POLQ: variants seen among roughly 807,000 people sequenced by gnomAD.
POLQ encodes the protein epididymis secretory sperm binding protein.
In POLQ, 233 loss-of-function variants were observed where a neutral mutation model predicts 259.2. The ratio of observed to expected loss-of-function variants is 0.90; its 90% CI spans 0.81 to 1.00. The LOEUF (loss-of-function observed/expected upper bound fraction) is 1.00. Among genes scored for constraint, POLQ ranks in the 50% least tolerant of loss-of-function variants. The pLI is 0.00. For synonymous variants in POLQ, 1,025 were observed against 1,048.8 expected (o/e 0.98, Z 0.44); for missense variants, 2,871 against 3,051.6 (o/e 0.94, Z 1.39).
chr3:121,452,826 AAGAC>A (rs2047691007), intron 25 of POLQ, among the ~76,000 whole-genome samples: 1 of 152,158 alleles, frequency 6.6e-6, no homozygotes, highest in Non-Finnish European at 1.5e-5. Context: ...GAAAAACAAA[AAGAC>A]AGCAGTAACC....
chr3:121,432,187 A>T lies in POLQ; in HGVS notation c.*117T>A. The T allele has an allele frequency of 1.1e-6, 1 of 917,002 alleles. No individual in the cohort carries two copies. The highest frequency in any genetic ancestry group is 1.6e-6 in the Non-Finnish European group (1 of 635,746). 56.8% of individuals were successfully genotyped at this position (917,002 alleles called of 1,614,324 possible). A position where few individuals can be genotyped will look rare whatever the true frequency, so the allele number is the denominator to read the frequency against. The stretch of plus-strand genomic sequence containing the variant: ...ACTCTCACTATAAAATTACTAGGCT[A>T]AGTCTATCAAGACTTGAAAGTTTGT... On this transcript the variant is annotated 3_prime_UTR_variant, in exon 30 of 30. Transcript: ENST00000264233.
intron 26 of POLQ, among the ~76,000 whole-genome samples, chr3:121,447,324 T>C (rs868418538): frequency 1.4e-4 from 22 of 151,878 alleles, no homozygotes; most frequent in Admixed American, 9.2e-4. Flanking sequence ...TCACCTATCA[T>C]CATGCCCGGC....
Position 121,489,383 on chromosome 3 carries a change from T to C in POLQ, c.3548A>G (p.Tyr1183Cys), listed in dbSNP as rs1342993761. 2 of 1,613,400 alleles carry C rather than the reference T, an allele frequency of 1.2e-6. No homozygotes were observed. The highest frequency in any genetic ancestry group is 1.3e-5 in the African/African-American group (1 of 74,908). The change falls in exon 16 of 30, where the codon TAT becomes TGT. Residue 1183 changes from tyrosine (Y) to cysteine (C), a missense_variant. By Grantham distance (194) the Tyr-to-Cys change is radical (BLOSUM62 -2). Transcript: ENST00000264233. Reference sequence around the variant, plus strand: ...TGGATGGATGTCATGGTGTTTCATATAAACATTCTGGTTTTTTGAACCATT... The same window carrying C: ...TGGATGGATGTCATGGTGTTTCATACAAACATTCTGGTTTTTTGAACCATT... The part of the protein sequence containing the change: ...IQNGSKNQNV[Y>C]MKHHDIHPIN...
chr3:121,485,208 G>C (rs2048002204), intron 16 of POLQ, 24 bp from the exon 17 acceptor site: 2 of 1,477,072 alleles, frequency 1.4e-6, no homozygotes, highest in South Asian at 1.3e-5. Flanking sequence ...AAGTGAAACA[G>C]TTAAAAATCT....
At chr3:121,442,020 A>AT (rs1411848642) in intron 26 of POLQ, among the ~76,000 whole-genome samples, 9 of 152,106 alleles carry the variant, frequency 5.9e-5, no homozygotes, top group Non-Finnish European at 1.2e-4. Flanking sequence ...CTGACTTTTA[A>AT]TTTATCGGAT....
rs112800699 is a variant in POLQ at position 121,535,613 on chromosome 3, G to C, written c.740+1487C>G. Among the ~76,000 whole-genome samples the C allele has an allele frequency of 2.0e-5, 3 of 151,336 alleles. No homozygotes were observed. The South Asian group carries it at 6.3e-4, about 32-fold the overall frequency. ...CGCCTATAATCCCAGCTACTCAGGA[G>C]GCTCAGGCAGGAGAATCGCTTGAAC... On this transcript the variant is annotated intron_variant, in intron 5 of 29. Transcript: ENST00000264233.
In POLQ at chr3:121,490,210, A is replaced by C. The variant is rs767559415; in HGVS notation, c.2721T>G (p.Ser907Arg). The C allele has an allele frequency of 7.4e-6, 12 of 1,613,894 alleles. No individual in the cohort carries two copies. Among genetic ancestry groups the C allele is most frequent in the Middle Eastern group, 3.3e-4 (2 of 6,084 alleles). Residue 907 changes from serine (S) to arginine (R), a missense_variant, in exon 16 of 30, where the codon AGT becomes AGG. Ser to Arg is a moderately radical substitution (Grantham distance 110). Transcript: ENST00000264233. ...ACTCACTATGAGTCAATGAGCATGT[A>C]CTAGAATGTAACAGGGCACATGGAT... The part of the protein sequence containing the change: ...QWNPCALLHS[S>R]TCSLTHSESE...
chr3:121,457,241 G>C (rs964271076), intron 25 of POLQ, among the ~76,000 whole-genome samples: 1 of 152,186 alleles, frequency 6.6e-6, no homozygotes, highest in African/African-American at 2.4e-5. Flanking sequence ...ATTCAAGATG[G>C]ATTAAAGACT....
intron 5 of POLQ, among the ~76,000 whole-genome samples, chr3:121,535,136 C>A (rs2048441001): frequency 6.6e-6 from 1 of 152,144 alleles, no homozygotes; most frequent in South Asian, 2.1e-4. Flanking sequence ...TGTTCTATCA[C>A]AAGAGAGATG....
chr3:121,435,290 A>T (rs2047533554), intron 28 of POLQ, among the ~76,000 whole-genome samples: 1 of 152,252 alleles, frequency 6.6e-6, no homozygotes, highest in Non-Finnish European at 1.5e-5. Context: ...AGTACAAGAA[A>T]TAATTTATCC....
In POLQ at chr3:121,489,607, T is replaced by C; in HGVS notation, c.3324A>G (p.Lys1108=). ...AKNVSLSGKE[K]DNKTSFPLQI... ...GTAATGGGAATGATGTTTTATTATC[T>C]TTTTCCTTACCACTCAAAGATACAT... The change falls in exon 16 of 30, where the codon AAA becomes AAG. Residue 1108 remains lysine, a synonymous_variant. Transcript: ENST00000264233. 6.2e-7 allele frequency: 1 copy of C among 1,613,400 alleles called. No homozygotes were observed. The highest frequency in any genetic ancestry group is 8.5e-7 in the Non-Finnish European group (1 of 1,179,668).
chr3:121,448,666 T>C lies in POLQ; in HGVS notation c.7264+649A>G, dbSNP rs892348770. 3.3e-5 allele frequency among the ~76,000 whole-genome samples: 5 copies of C among 152,098 alleles called. No individual in the cohort carries two copies. The East Asian group carries it at 7.7e-4, about 23-fold the overall frequency. The stretch of plus-strand genomic sequence containing the variant: ...AGACGTGAGCCACCATGCCTAGTAT[T>C]GTATTGCTTGCTTCAGTACCAATAC... On this transcript the variant is annotated intron_variant, in intron 26 of 29. Coordinates refer to ENST00000264233, the MANE Select transcript of POLQ (RefSeq NM_199420.4).
In POLQ at chr3:121,487,866, G is replaced by T; in HGVS notation, c.5065C>A (p.Gln1689Lys). The change falls in exon 16 of 30, where the codon CAA becomes AAA. Residue 1689 changes from glutamine (Q) to lysine (K), a missense_variant. Physicochemically the swap from Gln to Lys is moderately conservative, Grantham distance 53. This residue lies in a region of POLQ where 2,080 missense variants were observed against 2,126.0 expected (regional missense o/e 0.98). Transcript: ENST00000264233. ...GAAGAAAATGAAATTCCCTGCACTTGTTTTGTCTCCAAGTTTGAAATAACT... is the reference window on the plus strand; with the variant it reads ...GAAGAAAATGAAATTCCCTGCACTTTTTTTGTCTCCAAGTTTGAAATAACT... ...QEVISNLETK[Q>K]VQGISFSSNN... The T allele has an allele frequency of 6.2e-7, 1 of 1,610,494 alleles. No homozygotes were observed. Among genetic ancestry groups the T allele is most frequent in the Middle Eastern group, 1.7e-4 (1 of 6,046 alleles).
At chr3:121,538,404 T>C (rs2048465633) in intron 4 of POLQ, among the ~76,000 whole-genome samples, 1 of 151,988 alleles carries the variant, frequency 6.6e-6, no homozygotes, top group African/African-American at 2.4e-5. Flanking sequence ...AGTTTCCACA[T>C]GTACTGGTAT....
chr3:121,539,562 C>G lies in POLQ; in HGVS notation c.502G>C (p.Val168Leu). 6.2e-7 allele frequency: 1 copy of G among 1,612,856 alleles called. No individual in the cohort carries two copies. ...QSLFQEVGIK[V>L]DGYMGSTSPS... The stretch of plus-strand genomic sequence containing the variant: ...GAGGTGCTGCCCATATAACCGTCTA[C>G]TTTTATTCCTACTTCCTGAAACAGA... The change falls in exon 4 of 30, where the codon GTA becomes CTA. Residue 168 changes from valine (V) to leucine (L), a missense_variant. Transcript: ENST00000264233.
intron 24 of POLQ, among the ~76,000 whole-genome samples, chr3:121,461,931 C>T (rs954219042): frequency 6.6e-6 from 1 of 151,984 alleles, no homozygotes; most frequent in Non-Finnish European, 1.5e-5. Context: ...TAATGAATAA[C>T]CTATTCAAAA....
In POLQ at chr3:121,545,859, T is replaced by C. The variant is rs1245139650; in HGVS notation, c.19A>G (p.Ser7Gly). The C allele has an allele frequency of 6.2e-7, 1 of 1,613,774 alleles. No homozygotes were observed. The highest frequency in any genetic ancestry group is 8.5e-7 in the Non-Finnish European group (1 of 1,179,950). The part of the protein sequence containing the change: MNLLRR[S>G]GKRRRSESGS... ...GATTCTGAACGCCGCCGTTTCCCACTCCGACGCAGAAGATTCATGGCAAAC... is the reference window on the plus strand; with the variant it reads ...GATTCTGAACGCCGCCGTTTCCCACCCCGACGCAGAAGATTCATGGCAAAC... Residue 7 changes from serine (S) to glycine (G), a missense_variant, in exon 1 of 30, where the codon AGT becomes GGT. By Grantham distance (56) the Ser-to-Gly change is moderately conservative. Coordinates refer to ENST00000264233, the MANE Select transcript of POLQ (RefSeq NM_199420.4).
chr3:121,532,807 A>G (rs1194618592), intron 6 of POLQ, among the ~76,000 whole-genome samples, 183 bp downstream of exon 6: 1 of 152,224 alleles, frequency 6.6e-6, no homozygotes, highest in African/African-American at 2.4e-5. Context: ...TGTTGGGATT[A>G]CAGACGTCAG....
At position 121,496,827 on chromosome 3, in the gene POLQ, C is replaced by T; in HGVS notation, c.2259G>A (p.Gln753=). 1 of 1,613,366 alleles carries T rather than the reference C, an allele frequency of 6.2e-7. No homozygotes were observed. The highest frequency in any genetic ancestry group is 8.5e-7 in the Non-Finnish European group (1 of 1,179,870). The change falls in exon 14 of 30, where the codon CAG becomes CAA. Residue 753 remains glutamine, a synonymous_variant. Transcript: ENST00000264233. The stretch of plus-strand genomic sequence containing the variant: ...ACTGACCTGCATAAACAGCAGCTGA[C>T]TGTTGCAAAGATTGAATCTGCCCAC... ...CNRGQIQSLQ[Q]SAAVYAGMIT... is the part of the protein sequence containing the mutation.
Sources: gnomAD v4.1 joint callset for allele counts (sites outside exome capture counted in the v4.1 genomes callset) on GRCh38, gnomAD v4.1.1 for gene constraint, gnomAD v4.1.1 regional missense constraint, MANE v1.5 for transcripts, NCBI Gene and HGNC (gene_info 2026-07-23, HGNC 2026-07-21) for gene names.